Variants in ADCY2 observed in about 807,000 individuals in gnomAD.
The protein encoded by ADCY2 is adenylate cyclase type 2.
In ADCY2, 31 loss-of-function variants were observed where a neutral mutation model predicts 125.2. The ratio of observed to expected loss-of-function variants is 0.25; its 90% CI spans 0.19 to 0.33. The LOEUF (loss-of-function observed/expected upper bound fraction) is 0.33, where lower values mean the gene tolerates loss of function less well. Among genes scored for constraint, ADCY2 ranks in the 10% least tolerant of loss-of-function variants. The pLI, the probability that ADCY2 is intolerant of heterozygous loss-of-function variation, is 1.00. For synonymous variants in ADCY2, 512 were observed against 548.4 expected (o/e 0.93, Z 0.93); for missense variants, 904 against 1,418.2 (o/e 0.64, Z 5.82).
chr5:7,751,953 C>T (rs1167085417), intron 15 of ADCY2, among the ~76,000 whole-genome samples: 3 of 152,142 alleles, frequency 2.0e-5, no homozygotes, highest in African/African-American at 4.8e-5. Context: ...ACGTATTTGA[C>T]GAGTTCCTAC....
intron 14 of ADCY2, among the ~76,000 whole-genome samples, chr5:7,735,794 T>C (rs541133125): frequency 2.7e-4 from 41 of 152,322 alleles, no homozygotes; most frequent in African/African-American, 9.4e-4. Context: ...TTTTTTGTGA[T>C]GTCTTTGGTA....
intron 4 of ADCY2, among the ~76,000 whole-genome samples, chr5:7,637,878 G>C (rs1175322570): frequency 6.6e-6 from 1 of 152,182 alleles, no homozygotes; most frequent in Non-Finnish European, 1.5e-5. Context: ...TTTCAAGGTT[G>C]GGCAGTTTAA....
intron 4 of ADCY2, among the ~76,000 whole-genome samples, chr5:7,652,780 G>A (rs1342192646): frequency 1.3e-5 from 2 of 152,162 alleles, no homozygotes; most frequent in African/African-American, 2.4e-5. Context: ...TTCTTCATGA[G>A]TGCCTGGGGA....
intron 18 of ADCY2, among the ~76,000 whole-genome samples, chr5:7,775,767 A>AT (rs1483397895): frequency 6.6e-6 from 1 of 152,212 alleles, no homozygotes; most frequent in Admixed American, 6.5e-5. Flanking sequence ...GGTCTTACTC[A>AT]TTATTTTTTC....
At chr5:7,672,410 C>A (rs1272034486) in intron 4 of ADCY2, among the ~76,000 whole-genome samples, 1 of 152,128 alleles carries the variant, frequency 6.6e-6, no homozygotes, top group Non-Finnish European at 1.5e-5. Flanking sequence ...TACTGGGAGT[C>A]ATCAAACTAC....
intron 2 of ADCY2, among the ~76,000 whole-genome samples, chr5:7,482,706 A>G (rs761708260): frequency 2.7e-5 from 4 of 150,508 alleles, no homozygotes; most frequent in Non-Finnish European, 4.4e-5. Context: ...ACTATTCCTA[A>G]TAGCCATGAT....
chr5:7,667,899 C>A (rs1270558903), intron 4 of ADCY2, among the ~76,000 whole-genome samples: 3 of 152,150 alleles, frequency 2.0e-5, no homozygotes, highest in Admixed American at 2.0e-4. Context: ...GGTGTGACTT[C>A]TGTAGAACAA....
intron 2 of ADCY2, among the ~76,000 whole-genome samples, chr5:7,512,233 A>AAAAAAAAAAAG (rs1561066830): frequency 7.0e-6 from 1 of 143,758 alleles, no homozygotes; most frequent in Non-Finnish European, 1.5e-5. Flanking sequence ...AAAAAAAAAA[A>AAAAAAAAAAAG]AAAAAAAGAA....
chr5:7,501,741 A>G (rs1468184033), intron 2 of ADCY2, among the ~76,000 whole-genome samples: 1 of 141,966 alleles, frequency 7.0e-6, no homozygotes, highest in African/African-American at 2.6e-5. Context: ...GAGAGGGCTC[A>G]CTTGGCCTTG....
chr5:7,715,324 T>C (rs1237812837), intron 11 of ADCY2, among the ~76,000 whole-genome samples: 1 of 152,238 alleles, frequency 6.6e-6, no homozygotes, highest in Non-Finnish European at 1.5e-5. Context: ...GCAATATCAT[T>C]GTTAGCACTG....
chr5:7,432,913 T>TGTACATGTTGTACTGCTTATC (rs1740660234), intron 2 of ADCY2, among the ~76,000 whole-genome samples: 3 of 152,136 alleles, frequency 2.0e-5, no homozygotes, highest in East Asian at 3.9e-4. Context: ...TACTGCTTAT[T>TGTACATGTTGTACTGCTTATC]GTACTGCATG....
intron 22 of ADCY2, among the ~76,000 whole-genome samples, chr5:7,809,591 A>C (rs1217705298): frequency 6.6e-6 from 1 of 152,248 alleles, no homozygotes; most frequent in Admixed American, 6.5e-5. Flanking sequence ...CCCAAGGAAT[A>C]ATGTCTTTTT....
intron 1 of ADCY2, among the ~76,000 whole-genome samples, chr5:7,397,834 C>T (rs1191078881): frequency 6.6e-6 from 1 of 152,128 alleles, no homozygotes; most frequent in Non-Finnish European, 1.5e-5. Flanking sequence ...ACTATCAAAC[C>T]TAGAGCAGAG....
Position 7,789,805 on chromosome 5 carries a change from G to C in ADCY2, c.2628+5G>C. On this transcript the variant is annotated splice_donor_5th_base_variant and intron_variant, in intron 20 of 24. Transcript: ENST00000338316. ...GCCAGGAGCCTGAAGAATGAGGTCAGACCAGGGGGGCTGGGGGCTGGGGGA... is the reference window on the plus strand; with the variant it reads ...GCCAGGAGCCTGAAGAATGAGGTCACACCAGGGGGGCTGGGGGCTGGGGGA... 3 of 734,114 alleles carry C rather than the reference G, an allele frequency of 4.1e-6. No homozygotes were observed. The highest frequency in any genetic ancestry group is 5.6e-5 in the East Asian group (1 of 17,864). The allele number at this position is 734,114 out of a possible 1,614,324, so 45.5% of individuals were successfully genotyped here. A position where few individuals can be genotyped will look rare whatever the true frequency, so the allele number is the denominator to read the frequency against.
chr5:7,824,250 C>T (rs993426767), intron 24 of ADCY2, among the ~76,000 whole-genome samples: 4 of 152,238 alleles, frequency 2.6e-5, no homozygotes, highest in Middle Eastern at 3.4e-3. Context: ...CCAAGAACAG[C>T]ATAGCAAGCC....
At chr5:7,467,726 C>G (rs959683169) in intron 2 of ADCY2, among the ~76,000 whole-genome samples, 1 of 152,110 alleles carries the variant, frequency 6.6e-6, no homozygotes, top group Admixed American at 6.5e-5. Context: ...TGTCATATTC[C>G]TCTCTCTCTA....
At chr5:7,736,742 T>C (rs1356572662) in intron 14 of ADCY2, among the ~76,000 whole-genome samples, 2 of 152,118 alleles carry the variant, frequency 1.3e-5, no homozygotes, top group Non-Finnish European at 2.9e-5. Context: ...AACATTGAAA[T>C]GCATTTTAGG....
intron 2 of ADCY2, among the ~76,000 whole-genome samples, chr5:7,481,703 T>G (rs7707223): frequency 0.015 from 2,341 of 152,284 alleles, 61 homozygotes; most frequent in African/African-American, 0.052. Context: ...TGGTTATTAA[T>G]TCCTTGTCAG....
Position 7,546,165 on chromosome 5 carries a change from C to A in ADCY2, c.570+25266C>A, listed in dbSNP as rs1364133339. Among the ~76,000 whole-genome samples the A allele has an allele frequency of 2.6e-5, 4 of 152,242 alleles. No homozygotes were observed. The East Asian group carries it at 7.7e-4, about 29-fold the overall frequency. Reference sequence around the variant, plus strand: ...CCTAATAAGGTTATGTTTTCTTGTGCGGATTCCTATGGTCCTTTCTTTACA... The same window carrying A: ...CCTAATAAGGTTATGTTTTCTTGTGAGGATTCCTATGGTCCTTTCTTTACA... On this transcript the variant is annotated intron_variant, in intron 3 of 24. Transcript: ENST00000338316.
Sources: allele counts gnomAD v4.1 joint callset (sites outside exome capture counted in the v4.1 genomes callset), GRCh38; gene constraint gnomAD v4.1.1; transcripts MANE v1.5; gene names NCBI Gene and HGNC (gene_info 2026-07-23, HGNC 2026-07-21).